Variants in CASD1 observed in about 807,000 individuals in gnomAD.
CASD1 encodes N-acetylneuraminate (7)9-O-acetyltransferase.
Under a neutral mutation model 100.0 loss-of-function variants are expected in CASD1, and 41 were observed. The ratio of observed to expected loss-of-function variants is 0.41; its 90% CI spans 0.32 to 0.53. The LOEUF (loss-of-function observed/expected upper bound fraction) is 0.53, where lower values mean the gene tolerates loss of function less well. Ranked by LOEUF, CASD1 falls within the 20% of genes least tolerant of loss-of-function variation. CASD1 has a pLI of 0.25. For synonymous variants in CASD1, 321 were observed against 315.6 expected (o/e 1.02, Z -0.18); for missense variants, 774 against 948.7 (o/e 0.82, Z 2.42).
At chr7:94,573,714 C>G in the CASD1 span, among the ~76,000 whole-genome samples, 1 of 151,596 alleles carries the variant, frequency 6.6e-6, no homozygotes, top group African/African-American at 2.4e-5. Context: ...TTTGGATGCC[C>G]TTTATTTCTT....
intron 10 of CASD1, among the ~76,000 whole-genome samples, chr7:94,541,591 C>T (rs1375268034): frequency 1.1e-4 from 12 of 108,058 alleles, no homozygotes; most frequent in Non-Finnish European, 2.0e-4. Context: ...TTGTAAGTAA[C>T]TTCCATGGAA....
chr7:94,528,246 C>A lies in CASD1; in HGVS notation c.455C>A (p.Thr152Asn). The change falls in exon 5 of 18, where the codon ACT (threonine) becomes AAT (asparagine). Residue 152 changes from threonine to asparagine, a missense_variant. By Grantham distance (65) the Thr-to-Asn change is moderately conservative. Around this residue, in one of 5 missense-constraint regions of CASD1, gnomAD observed 453 missense variants for 532.6 expected, o/e 0.85. Coordinates refer to ENST00000297273, the MANE Select transcript of CASD1 (RefSeq NM_022900.5). ...GSMKQCIKVW[T>N]EDSIAKPHVI... ...ATGAAACAGTGTATCAAAGTGTGGA[C>A]TGAGGTCTGTATTTAAAAAACATAG... The A allele has an allele frequency of 6.3e-7, 1 of 1,584,080 alleles. No individual in the cohort carries two copies. The highest frequency in any genetic ancestry group is 8.6e-7 in the Non-Finnish European group (1 of 1,165,514).
At chr7:94,618,521 A>G in the CASD1 span, 2 of 487,168 alleles carry the variant, frequency 4.1e-6, no homozygotes, top group African/African-American at 2.0e-5. Flanking sequence ...GCTATAATTT[A>G]TGATGCTGAT....
At position 94,518,347 on chromosome 7, in the gene CASD1, G is replaced by A. The variant is rs564386960; in HGVS notation, c.351+24G>A. The A allele has an allele frequency of 7.1e-4, 1,094 of 1,545,368 alleles. 19 individuals carry two copies. In the South Asian group the frequency reaches 0.013, roughly 18 times the overall value. On this transcript the variant is annotated intron_variant, in intron 3 of 17. Coordinates refer to ENST00000297273, the MANE Select transcript of CASD1 (RefSeq NM_022900.5). ...AGGTAAAACTTGTCTATTCCCTTCT[G>A]TAGAGTGTTTTAGAAGTTAACCAAC...
the CASD1 span, chr7:94,603,332 T>C: frequency 6.2e-7 from 1 of 1,612,674 alleles, no homozygotes; most frequent in Non-Finnish European, 8.5e-7. Context: ...GAGTACGAAA[T>C]TTTTTATCAC....
chr7:94,631,419 C>CCAA, the CASD1 span, among the ~76,000 whole-genome samples: 12 of 151,876 alleles, frequency 7.9e-5, no homozygotes, highest in East Asian at 2.3e-3. Flanking sequence ...GTATGGGAGA[C>CCAA]CAACATCCAC....
rs751971394 is a variant in CASD1, at chr7:94,535,510, C to T, written c.830C>T (p.Ser277Leu). 24 of 1,612,722 alleles carry T rather than the reference C, an allele frequency of 1.5e-5. No homozygotes were observed. The highest frequency in any genetic ancestry group is 5.0e-5 in the Admixed American group (3 of 59,966). ...ESLDGLHLPE[S>L]SRETTAMILM... ...TTGGATGGCTTACATCTTCCTGAAT[C>T]GAGCAGAGAAACTGTGAGAAATTTT... is the stretch of plus-strand genomic sequence containing the variant. Residue 277 changes from serine (S) to leucine (L), a missense_variant, in exon 8 of 18, where the codon TCG becomes TTG. Physicochemically the swap from Ser to Leu is moderately radical, Grantham distance 145. Around this residue, in one of 5 missense-constraint regions of CASD1, gnomAD observed 453 missense variants for 532.6 expected, o/e 0.85. Transcript: ENST00000297273.
the CASD1 span, among the ~76,000 whole-genome samples, chr7:94,605,471 A>T: frequency 1.3e-5 from 2 of 150,586 alleles, no homozygotes; most frequent in Non-Finnish European, 3.0e-5. Flanking sequence ...ATATATCTAC[A>T]TATATGTTTA....
At chr7:94,542,524 A>C (rs1795460060) in intron 10 of CASD1, among the ~76,000 whole-genome samples, 1 of 152,206 alleles carries the variant, frequency 6.6e-6, no homozygotes, top group Non-Finnish European at 1.5e-5. Context: ...TTTAACTTTT[A>C]AAATGCTCTG....
At chr7:94,523,485 A>AG (rs1457071070) in intron 3 of CASD1, among the ~76,000 whole-genome samples, 38 of 152,364 alleles carry the variant, frequency 2.5e-4, no homozygotes, top group African/African-American at 8.9e-4. Flanking sequence ...TATGTTACAT[A>AG]GGAATAAACA....
intron 16 of CASD1, 60 bp downstream of exon 16, chr7:94,552,487 A>G: frequency 7.9e-7 from 1 of 1,262,206 alleles, no homozygotes; most frequent in Non-Finnish European, 1.1e-6. Flanking sequence ...AATGGTTTTT[A>G]GAGGCAGAGA....
the CASD1 span, among the ~76,000 whole-genome samples, chr7:94,601,135 C>T: frequency 6.6e-5 from 10 of 151,962 alleles, no homozygotes; most frequent in East Asian, 1.9e-4. Flanking sequence ...TGTGCCTATA[C>T]GTGTAGTTGT....
intron 10 of CASD1, among the ~76,000 whole-genome samples, chr7:94,540,296 A>G (rs1018753205): frequency 6.6e-6 from 1 of 152,208 alleles, no homozygotes; most frequent in Non-Finnish European, 1.5e-5. Context: ...ACATCTGTAA[A>G]CAGTACGTGC....
At chr7:94,569,649 G>A in the CASD1 span, among the ~76,000 whole-genome samples, 1 of 151,682 alleles carries the variant, frequency 6.6e-6, no homozygotes, top group African/African-American at 2.4e-5. Flanking sequence ...TATCTATGTT[G>A]TCCAGACTGG....
intron 5 of CASD1, among the ~76,000 whole-genome samples, chr7:94,529,856 G>C (rs775437740): frequency 1.5e-4 from 23 of 152,050 alleles, no homozygotes; most frequent in Non-Finnish European, 3.1e-4. Flanking sequence ...ATTTTATAGA[G>C]GAAATAATAT....
At chr7:94,567,998 T>G in the CASD1 span, among the ~76,000 whole-genome samples, 3 of 152,312 alleles carry the variant, frequency 2.0e-5, no homozygotes, top group East Asian at 5.8e-4. Flanking sequence ...AACAGGTTTT[T>G]TAAGAAATAA....
At chr7:94,516,153 CA>C (rs34577793) in intron 1 of CASD1, among the ~76,000 whole-genome samples, 78,930 of 147,806 alleles carry the variant, frequency 0.53, 21,419 homozygotes, top group South Asian at 0.73. Context: ...CTTTGAAATA[CA>C]AAAAAAAAAA....
the CASD1 span, among the ~76,000 whole-genome samples, chr7:94,580,638 C>G: frequency 4.6e-5 from 7 of 152,198 alleles, no homozygotes; most frequent in East Asian, 1.3e-3. Context: ...TCCAAAATCA[C>G]CTTTGTTCCA....
At chr7:94,550,973 A>C (rs1429569931) in intron 14 of CASD1, among the ~76,000 whole-genome samples, 1 of 152,134 alleles carries the variant, frequency 6.6e-6, no homozygotes, top group Non-Finnish European at 1.5e-5. Flanking sequence ...GACTGAAAGG[A>C]CTGATATAAA....
Sources: allele counts gnomAD v4.1 joint callset (sites outside exome capture counted in the v4.1 genomes callset), GRCh38; gene constraint gnomAD v4.1.1; regional missense constraint gnomAD v4.1.1; transcripts MANE v1.5; gene names NCBI Gene and HGNC (gene_info 2026-07-23, HGNC 2026-07-21).